The following OR5A2 variants were observed in gnomAD, a reference collection of about 807,000 sequenced individuals.
OR5A2 encodes the protein olfactory receptor family 5 subfamily A member 2.
For synonymous variants in OR5A2, 155 were observed against 151.1 expected (o/e 1.03, Z -0.19); for missense variants, 406 against 398.9 (o/e 1.02, Z -0.15).
rs1258228064 is a variant in OR5A2 at position 59,423,014 on chromosome 11, T to A, written c.-61A>T. 1 of 1,510,794 alleles carries A rather than the reference T, an allele frequency of 6.6e-7. No homozygotes were observed. Among genetic ancestry groups the A allele is most frequent in the Admixed American group, 2.0e-5 (1 of 49,330 alleles). 93.6% of individuals were successfully genotyped at this position (1,510,794 alleles called of 1,614,324 possible). A position where few individuals can be genotyped will look rare whatever the true frequency, so the allele number is the denominator to read the frequency against. Reference sequence around the variant, plus strand: ...TTTAAGAATCCTGTGGTCAGCTAGATTTTGTTTGTTATTGTAAGAGTGGGT... The same window carrying A: ...TTTAAGAATCCTGTGGTCAGCTAGAATTTGTTTGTTATTGTAAGAGTGGGT... On this transcript the variant is annotated 5_prime_UTR_variant, in exon 2 of 2. Transcript: ENST00000302040.
Position 59,421,679 on chromosome 11 carries a change from A to AT in OR5A2, c.*299dup, listed in dbSNP as rs527392134. On this transcript the variant is annotated 3_prime_UTR_variant, in exon 2 of 2. Transcript: ENST00000302040. ...TCACCACACTAAATGCTGGACTAAC[A>AT]TTTTTTCGATGACTTTCCTCCTATA... 1.5e-4 allele frequency: 42 copies of AT among 282,128 alleles called. No homozygotes were observed. The South Asian group carries it at 2.8e-3, about 19-fold the overall frequency. 17.5% of individuals were successfully genotyped at this position (282,128 alleles called of 1,614,324 possible).
chr11:59,426,060 G>T (rs1858300164), intron 1 of OR5A2, 111 bp downstream of exon 1: 2 of 152,156 alleles, frequency 1.3e-5, no homozygotes, highest in Non-Finnish European at 2.9e-5. Context: ...GACTCAAGAA[G>T]TGGCAGCGTT....
In OR5A2 at chr11:59,421,977, C is replaced by T. The variant is rs1189509537; in HGVS notation, c.*2G>A. The T allele has an allele frequency of 6.3e-7, 1 of 1,592,296 alleles. No individual in the cohort carries two copies. The highest frequency in any genetic ancestry group is 2.2e-5 in the East Asian group (1 of 44,678). The stretch of plus-strand genomic sequence containing the variant: ...ACCTAGCTCACAGCTTCATTGTAAA[C>T]ATTAGCCCAAGGTCATAAAAATGAA... On this transcript the variant is annotated 3_prime_UTR_variant, in exon 2 of 2. Coordinates refer to ENST00000302040, the MANE Select transcript of OR5A2 (RefSeq NM_001001954.2).
chr11:59,425,967 T>C (rs1565071616), intron 1 of OR5A2: 2 of 152,236 alleles, frequency 1.3e-5, no homozygotes, highest in African/African-American at 2.4e-5. Flanking sequence ...AATAATATAA[T>C]CAAACACTTA....
chr11:59,423,634 G>A (rs1013820928), intron 1 of OR5A2: 18 of 151,198 alleles, frequency 1.2e-4, no homozygotes, highest in African/African-American at 4.4e-4. Flanking sequence ...ATGTATATTT[G>A]TATATATATA....
chr11:59,417,779 A>G lies in OR5A2; in HGVS notation c.*4200T>C, dbSNP rs1169195109. On this transcript the variant is annotated 3_prime_UTR_variant, in exon 2 of 2. Coordinates refer to ENST00000302040, the MANE Select transcript of OR5A2 (RefSeq NM_001001954.2). ...TAAGACTAGAAACATAAGACTATTCATCTTTAGAAAAATGTTAAGCATCTC... is the reference window on the plus strand; with the variant it reads ...TAAGACTAGAAACATAAGACTATTCGTCTTTAGAAAAATGTTAAGCATCTC... 6.6e-6 allele frequency: 1 copy of G among 152,074 alleles called. No individual in the cohort carries two copies. The highest frequency in any genetic ancestry group is 2.4e-5 in the African/African-American group (1 of 41,412). The allele number at this position is 152,074 out of a possible 1,614,324, so 9.4% of individuals were successfully genotyped here. A position where few individuals can be genotyped will look rare whatever the true frequency, so the allele number is the denominator to read the frequency against.
intron 1 of OR5A2, 48 bp from the exon 2 acceptor site, chr11:59,423,092 T>A: frequency 1.2e-6 from 1 of 854,214 alleles, no homozygotes; most frequent in Non-Finnish European, 1.8e-6. Context: ...TACACCCAGT[T>A]AAAGCCCAGC....
intron 1 of OR5A2, chr11:59,424,771 T>C (rs887237800): frequency 5.3e-5 from 8 of 152,226 alleles, no homozygotes; most frequent in African/African-American, 1.4e-4. Flanking sequence ...GTGTCACTTA[T>C]CATATTAAAA....
rs1858233793 is a variant in OR5A2 at position 59,422,210 on chromosome 11, A to G, written c.744T>C (p.Ala248=). Residue 248 remains alanine, a synonymous_variant, in exon 2 of 2, where the codon GCT becomes GCC. Coordinates refer to ENST00000302040, the MANE Select transcript of OR5A2 (RefSeq NM_001001954.2). ...ATCCAGAACCATAGAAGAGGGTCACAGCAGTCAGGTGAGAGGCACAAGTGC... is the reference window on the plus strand; with the variant it reads ...ATCCAGAACCATAGAAGAGGGTCACGGCAGTCAGGTGAGAGGCACAAGTGC... The part of the protein sequence containing the change: ...AFSTCASHLT[A]VTLFYGSGFF... 1 of 1,614,194 alleles carries G rather than the reference A, an allele frequency of 6.2e-7. No individual in the cohort carries two copies. Among genetic ancestry groups the G allele is most frequent in the Non-Finnish European group, 8.5e-7 (1 of 1,180,030 alleles).
At position 59,422,691 on chromosome 11, in the gene OR5A2, G is replaced by A. The variant is rs1340003000; in HGVS notation, c.263C>T (p.Thr88Ile). The change falls in exon 2 of 2, where the codon ACA becomes ATA. Residue 88 changes from threonine to isoleucine, a missense_variant. Thr to Ile is a moderately conservative substitution (Grantham distance 89). Coordinates refer to ENST00000302040, the MANE Select transcript of OR5A2 (RefSeq NM_001001954.2). ...AACAAAGGAAATGGTTTTCTGCTCT[G>A]TGATGATGTCAGACAGCATCTTAGG... is the stretch of plus-strand genomic sequence containing the variant. The part of the protein sequence containing the change: ...TAPKMLSDII[T>I]EQKTISFVGC... 6.2e-7 allele frequency: 1 copy of A among 1,614,172 alleles called. No homozygotes were observed. Among genetic ancestry groups the A allele is most frequent in the South Asian group, 1.1e-5 (1 of 91,078 alleles).
At position 59,421,059 on chromosome 11, in the gene OR5A2, T is replaced by A. The variant is rs1196990953; in HGVS notation, c.*920A>T. The A allele has an allele frequency of 6.6e-6, 1 of 152,232 alleles. No individual in the cohort carries two copies. Among genetic ancestry groups the A allele is most frequent in the East Asian group, 1.9e-4 (1 of 5,196 alleles). The allele number at this position is 152,232 out of a possible 1,614,324, so 9.4% of individuals were successfully genotyped here. A position where few individuals can be genotyped will look rare whatever the true frequency, so the allele number is the denominator to read the frequency against. Reference sequence around the variant, plus strand: ...CTAGGTAATTCATAAAGAGATTTAATTGGCTCACAGTTCTTCAGGCTTTAC... The same window carrying A: ...CTAGGTAATTCATAAAGAGATTTAAATGGCTCACAGTTCTTCAGGCTTTAC... On this transcript the variant is annotated 3_prime_UTR_variant, in exon 2 of 2. Transcript: ENST00000302040.
At position 59,420,194 on chromosome 11, in the gene OR5A2, G is replaced by C. The variant is rs1237804242; in HGVS notation, c.*1785C>G. 3 of 152,106 alleles carry C rather than the reference G, an allele frequency of 2.0e-5. No homozygotes were observed. Among genetic ancestry groups the C allele is most frequent in the African/African-American group, 7.2e-5 (3 of 41,430 alleles). The allele number at this position is 152,106 out of a possible 1,614,324, so 9.4% of individuals were successfully genotyped here. On this transcript the variant is annotated 3_prime_UTR_variant, in exon 2 of 2. Coordinates refer to ENST00000302040, the MANE Select transcript of OR5A2 (RefSeq NM_001001954.2). ...AGAGCTTAGTCCTCAGGTAGCTACA[G>C]ATGAGGAAAACAGAGTTTCTAAATA... is the stretch of plus-strand genomic sequence containing the variant.
rs1858216153 is a variant in OR5A2, at chr11:59,421,152, A to T, written c.*827T>A. On this transcript the variant is annotated 3_prime_UTR_variant, in exon 2 of 2. Coordinates refer to ENST00000302040, the MANE Select transcript of OR5A2 (RefSeq NM_001001954.2). ...TCAGGAAACTTACAATCATGGCAGA[A>T]GGCAAAGGGGGAGCAGGTACATCAC... 6.5e-6 allele frequency: 1 copy of T among 152,876 alleles called. No individual in the cohort carries two copies. Among genetic ancestry groups the T allele is most frequent in the Non-Finnish European group, 1.5e-5 (1 of 68,588 alleles). 9.5% of individuals were successfully genotyped at this position (152,876 alleles called of 1,614,324 possible). A position where few individuals can be genotyped will look rare whatever the true frequency, so the allele number is the denominator to read the frequency against.
chr11:59,423,187 C>T, intron 1 of OR5A2, 143 bp from the exon 2 acceptor site: 1 of 455,274 alleles, frequency 2.2e-6, no homozygotes, highest in African/African-American at 1.9e-5. Context: ...GAGAATCCAT[C>T]TAATAATAAA....
At chr11:59,423,152 T>A in intron 1 of OR5A2, 108 bp from the exon 2 acceptor site, 1 of 554,700 alleles carries the variant, frequency 1.8e-6, no homozygotes, top group Non-Finnish European at 3.2e-6. Context: ...GGATAATCCA[T>A]ATGCTCTATG....
rs1346630212 is a variant in OR5A2, at chr11:59,417,269, G to C, written c.*4710C>G. On this transcript the variant is annotated 3_prime_UTR_variant, in exon 2 of 2. Transcript: ENST00000302040. ...CCATTTGGTCTGGCAATTCTGAAGAGAGATGCTGCTATATCTAGTTTGTAA... is the reference window on the plus strand; with the variant it reads ...CCATTTGGTCTGGCAATTCTGAAGACAGATGCTGCTATATCTAGTTTGTAA... 6.6e-6 allele frequency: 1 copy of C among 152,032 alleles called. No homozygotes were observed. The highest frequency in any genetic ancestry group is 2.4e-5 in the African/African-American group (1 of 41,426). 9.4% of individuals were successfully genotyped at this position (152,032 alleles called of 1,614,324 possible). A position where few individuals can be genotyped will look rare whatever the true frequency, so the allele number is the denominator to read the frequency against.
At chr11:59,425,715 T>A (rs989252837) in intron 1 of OR5A2, 3 of 152,226 alleles carry the variant, frequency 2.0e-5, no homozygotes, top group Non-Finnish European at 4.4e-5. Flanking sequence ...TTGACTGTCA[T>A]AATTTCCTCA....
At position 59,418,927 on chromosome 11, in the gene OR5A2, C is replaced by G. The variant is rs1858189334; in HGVS notation, c.*3052G>C. On this transcript the variant is annotated 3_prime_UTR_variant, in exon 2 of 2. Coordinates refer to ENST00000302040, the MANE Select transcript of OR5A2 (RefSeq NM_001001954.2). Reference sequence around the variant, plus strand: ...GATTGATAATAGCTCCATGTAAATCCAAAGCATGAGACATTTTCATTAGTT... The same window carrying G: ...GATTGATAATAGCTCCATGTAAATCGAAAGCATGAGACATTTTCATTAGTT... 6.6e-6 allele frequency: 1 copy of G among 151,998 alleles called. No individual in the cohort carries two copies. Among genetic ancestry groups the G allele is most frequent in the Non-Finnish European group, 1.5e-5 (1 of 68,006 alleles). 9.4% of individuals were successfully genotyped at this position (151,998 alleles called of 1,614,324 possible). A position where few individuals can be genotyped will look rare whatever the true frequency, so the allele number is the denominator to read the frequency against.
In OR5A2 at chr11:59,421,993, T is replaced by TA. The variant is rs1281003957; in HGVS notation, c.960dup (p.Met321TyrfsTer12). ...CATTGTAAACATTAGCCCAAGGTCATAAAAATGAATGGTCCACCGTGAGAA... is the reference window on the plus strand; with the variant it reads ...CATTGTAAACATTAGCCCAAGGTCATAAAAAATGAATGGTCCACCGTGAGAA... On this transcript the variant is annotated frameshift_variant, in exon 2 of 2. Transcript: ENST00000302040. LOFTEE classifies it high-confidence loss of function. 1.2e-6 allele frequency: 2 copies of TA among 1,606,564 alleles called. No individual in the cohort carries two copies. Among genetic ancestry groups the TA allele is most frequent in the African/African-American group, 1.3e-5 (1 of 74,718 alleles).
Sources: gnomAD v4.1 joint callset for allele counts on GRCh38, gnomAD v4.1.1 for gene constraint, MANE v1.5 for transcripts, NCBI Gene and HGNC (gene_info 2026-07-23, HGNC 2026-07-21) for gene names.